Variants in KIF1B observed in about 807,000 individuals in gnomAD.
KIF1B encodes kinesin family member 1B.
In KIF1B, 76 loss-of-function variants were observed where a neutral mutation model predicts 241.9. The ratio of observed to expected loss-of-function variants is 0.31; its 90% CI spans 0.26 to 0.38. The LOEUF (loss-of-function observed/expected upper bound fraction) is 0.38. Among genes scored for constraint, KIF1B ranks in the 10% least tolerant of loss-of-function variants. The pLI is 1.00. For missense variants in KIF1B, 1,622 were observed against 2,271.4 expected (o/e 0.71, Z 5.81); for synonymous variants, 750 against 796.7 (o/e 0.94, Z 0.99).
At chr1:10,281,517 A>AGT (rs1414389056) in intron 14 of KIF1B, among the ~76,000 whole-genome samples, 2 of 152,190 alleles carry the variant, frequency 1.3e-5, no homozygotes, top group Non-Finnish European at 2.9e-5. Flanking sequence ...CAGGCTTAGC[A>AGT]GTGACCCATG....
chr1:10,374,755 A>C lies in KIF1B; in HGVS notation c.5097-99A>C. Reference sequence around the variant, plus strand: ...ATAGGTCATTTGCCTGTTTCATCGAATCTAAGGACTTGGCCTAAGTGTGGC... The same window carrying C: ...ATAGGTCATTTGCCTGTTTCATCGACTCTAAGGACTTGGCCTAAGTGTGGC... On this transcript the variant is annotated intron_variant, in intron 46 of 48. Transcript: ENST00000676179. This position sits in a 1 kb window ranked among gnomAD's most constrained non-coding sequence, Gnocchi z 4.3. The C allele has an allele frequency of 8.4e-7, 1 of 1,185,612 alleles. No homozygotes were observed. Among genetic ancestry groups the C allele is most frequent in the South Asian group, 1.3e-5 (1 of 79,796 alleles). 73.4% of individuals were successfully genotyped at this position (1,185,612 alleles called of 1,614,324 possible).
chr1:10,260,752 A>G (rs1648088343), intron 4 of KIF1B, among the ~76,000 whole-genome samples: 1 of 151,732 alleles, frequency 6.6e-6, no homozygotes, highest in Non-Finnish European at 1.5e-5. Flanking sequence ...CTGTAATCCC[A>G]GCTACTTGGG....
intron 27 of KIF1B, among the ~76,000 whole-genome samples, chr1:10,327,934 G>A (rs930792376): frequency 5.3e-5 from 8 of 152,174 alleles, no homozygotes; most frequent in African/African-American, 1.4e-4. Context: ...ACCAGGTGCA[G>A]TGGCTCACAC....
intron 2 of KIF1B, among the ~76,000 whole-genome samples, chr1:10,235,980 T>C (rs1220365748): frequency 6.6e-6 from 1 of 150,860 alleles, no homozygotes; most frequent in African/African-American, 2.4e-5. Flanking sequence ...ACTAAACATA[T>C]AGTATATTTG....
chr1:10,351,096 G>A (rs1408891966), intron 37 of KIF1B, among the ~76,000 whole-genome samples: 2 of 147,384 alleles, frequency 1.4e-5, no homozygotes, highest in African/African-American at 2.5e-5. Context: ...AAAAAGAATC[G>A]TTGGAAGGGA....
At chr1:10,281,321 G>A (rs899696806) in intron 14 of KIF1B, among the ~76,000 whole-genome samples, 2 of 152,032 alleles carry the variant, frequency 1.3e-5, no homozygotes, top group African/African-American at 4.8e-5. Context: ...GTATCTTTTT[G>A]CAAAGGATGA....
Position 10,296,563 on chromosome 1 carries a change from TTG to T in KIF1B, c.1778-15_1778-14del, listed in dbSNP as rs1216064242. 2 of 1,591,154 alleles carry T rather than the reference TTG, an allele frequency of 1.3e-6. No homozygotes were observed. The highest frequency in any genetic ancestry group is 2.2e-5 in the South Asian group (2 of 90,550). ...AATAGTTTGTAATGATAACATTAGT[TTG>T]TGTTTGTTCCTCTTAGTTATCGTGA... On this transcript the variant is annotated splice_polypyrimidine_tract_variant and intron_variant, in intron 19 of 48. Transcript: ENST00000676179.
rs968260471 is a variant in KIF1B at position 10,305,628 on chromosome 1, A to G, written c.2115+8382A>G. The stretch of plus-strand genomic sequence containing the variant: ...TTAACTTTGGTTGGGCTTGGAATAA[A>G]GGAGATGATACATAATAAACTATTC... On this transcript the variant is annotated intron_variant, in intron 22 of 48. Coordinates refer to ENST00000676179, the MANE Select transcript of KIF1B (RefSeq NM_001365951.3). The G allele has an allele frequency of 6.6e-6, 7 of 1,056,672 alleles. No individual in the cohort carries two copies. The East Asian group carries it at 3.7e-4, about 56-fold the overall frequency. The allele number at this position is 1,056,672 out of a possible 1,614,324, so 65.5% of individuals were successfully genotyped here. A position where few individuals can be genotyped will look rare whatever the true frequency, so the allele number is the denominator to read the frequency against.
Position 10,324,915 on chromosome 1 carries a change from A to C in KIF1B, c.2675+20A>C. On this transcript the variant is annotated intron_variant, in intron 26 of 48. Transcript: ENST00000676179. ...GGGGAGGTATGTGATGATTTTGTTG[A>C]TGTCTTCTTTTAAAATAATGATTAG... is the stretch of plus-strand genomic sequence containing the variant. The C allele has an allele frequency of 1.9e-6, 3 of 1,613,410 alleles. No individual in the cohort carries two copies. The highest frequency in any genetic ancestry group is 2.5e-6 in the Non-Finnish European group (3 of 1,179,530).
Position 10,374,968 on chromosome 1 carries a change from A to G in KIF1B, c.5211A>G (p.Lys1737=). 1 of 1,614,124 alleles carries G rather than the reference A, an allele frequency of 6.2e-7. No individual in the cohort carries two copies. The highest frequency in any genetic ancestry group is 8.5e-7 in the Non-Finnish European group (1 of 1,179,984). The change falls in exon 47 of 49, where the codon AAA becomes AAG. Residue 1737 remains lysine, a synonymous_variant. Transcript: ENST00000676179. The surrounding 1 kb of genome is among the most constrained non-coding windows in gnomAD (Gnocchi z 4.3). ...ATGTCTTCATCTATAACAGTGACAAAGACCCTGTGGAGCGTGGAATCATTA... is the reference window on the plus strand; with the variant it reads ...ATGTCTTCATCTATAACAGTGACAAGGACCCTGTGGAGCGTGGAATCATTA... ...RPYVFIYNSD[K]DPVERGIINL...
chr1:10,366,092 G>A (rs184917025), intron 43 of KIF1B, among the ~76,000 whole-genome samples: 10 of 152,068 alleles, frequency 6.6e-5, no homozygotes, highest in Non-Finnish European at 1.2e-4. Context: ...TTAGCCAGGC[G>A]TGGTGGCGAG....
chr1:10,370,584 TAATA>T (rs1557743165), intron 44 of KIF1B, among the ~76,000 whole-genome samples: 1 of 134,980 alleles, frequency 7.4e-6, no homozygotes, highest in Non-Finnish European at 1.6e-5. Flanking sequence ...ATAATAATAA[TAATA>T]ATAATAAGAA....
At chr1:10,289,289 A>T (rs1457775438) in intron 15 of KIF1B, among the ~76,000 whole-genome samples, 1 of 152,134 alleles carries the variant, frequency 6.6e-6, no homozygotes, top group Non-Finnish European at 1.5e-5. Context: ...TCTAGCTCTT[A>T]GTACACTGTT....
At chr1:10,236,273 A>AAACAACAAC (rs367849877) in intron 2 of KIF1B, among the ~76,000 whole-genome samples, 2,802 of 94,084 alleles carry the variant, frequency 0.03, 68 homozygotes, top group Middle Eastern at 0.078. Flanking sequence ...CTCCATCCCA[A>AAACAACAAC]AACAACAACA....
intron 2 of KIF1B, among the ~76,000 whole-genome samples, chr1:10,246,082 A>C (rs1456252394): frequency 6.6e-6 from 1 of 152,216 alleles, no homozygotes; most frequent in African/African-American, 2.4e-5. Context: ...ACCTCTCTCT[A>C]GAAGTATAGA....
chr1:10,365,310 TC>T lies in KIF1B; in HGVS notation c.4512+67del, dbSNP rs1638537902. The T allele has an allele frequency of 1.2e-6, 2 of 1,613,238 alleles. No homozygotes were observed. The highest frequency in any genetic ancestry group is 8.5e-7 in the Non-Finnish European group (1 of 1,179,566). ...GACAAGATTGCCAAAGTATCAGTCT[TC>T]CTCCCCGCTGCTGCATGTGATCATA... On this transcript the variant is annotated intron_variant, in intron 42 of 48. Transcript: ENST00000676179. The surrounding 1 kb of genome is among the most constrained non-coding windows in gnomAD (Gnocchi z 4.0).
intron 15 of KIF1B, among the ~76,000 whole-genome samples, chr1:10,288,765 A>T (rs79559526): frequency 9.2e-4 from 140 of 151,806 alleles, no homozygotes; most frequent in African/African-American, 3.1e-3. Context: ...CCAAACTCAT[A>T]TACTACTTTG....
chr1:10,363,579 G>A (rs938120580), intron 41 of KIF1B, among the ~76,000 whole-genome samples: 5 of 151,950 alleles, frequency 3.3e-5, no homozygotes, highest in African/African-American at 4.8e-5. Flanking sequence ...TGTAATCCCA[G>A]CTACTCAGGA....
intron 14 of KIF1B, among the ~76,000 whole-genome samples, chr1:10,280,671 G>A (rs1397782222): frequency 6.6e-6 from 1 of 152,222 alleles, no homozygotes; most frequent in African/African-American, 2.4e-5. Context: ...TCCTGATACA[G>A]AAGTGACTCT....
Sources: gnomAD v4.1 joint callset for allele counts (sites outside exome capture counted in the v4.1 genomes callset) on GRCh38, gnomAD v4.1.1 for gene constraint, Gnocchi (gnomAD v3.1) non-coding constraint, MANE v1.5 for transcripts, NCBI Gene and HGNC (gene_info 2026-07-23, HGNC 2026-07-21) for gene names.